SYNE2: variants seen among roughly 807,000 people sequenced by gnomAD.
SYNE2 encodes the protein spectrin repeat containing nuclear envelope protein 2, also known as nesprin-2.
Under a neutral mutation model 856.3 loss-of-function variants are expected in SYNE2, and 431 were observed. That is an observed-to-expected ratio of 0.50 (90% CI 0.47 to 0.55). The LOEUF (loss-of-function observed/expected upper bound fraction) is 0.55. Ranked by LOEUF, SYNE2 falls within the 20% of genes least tolerant of loss-of-function variation. SYNE2 has a pLI of 0.00. For missense variants in SYNE2, 8,129 were observed against 8,023.2 expected (o/e 1.01, Z -0.50); for synonymous variants, 2,923 against 2,872.3 (o/e 1.02, Z -0.56).
At chr14:64,152,496 G>A in intron 84 of SYNE2, 68 bp from the exon 85 acceptor site, 1 of 1,532,622 alleles carries the variant, frequency 6.5e-7, no homozygotes, top group Non-Finnish European at 9.0e-7. Flanking sequence ...GTGAACTCCT[G>A]TCTCTGACAC....
Position 64,225,121 on chromosome 14 carries a change from T to C in SYNE2, c.20516+76T>C, listed in dbSNP as rs569091231. Reference sequence around the variant, plus strand: ...ACTGACTCAGTCTTGCCAATGCCACTATCAAGGTCCTTGCAAAAATCTGGT... The same window carrying C: ...ACTGACTCAGTCTTGCCAATGCCACCATCAAGGTCCTTGCAAAAATCTGGT... On this transcript the variant is annotated intron_variant, in intron 115 of 115. Coordinates refer to ENST00000555002, the MANE Select transcript of SYNE2 (RefSeq NM_182914.3). 2.2e-5 allele frequency: 34 copies of C among 1,579,492 alleles called. No homozygotes were observed. In the African/African-American group the frequency reaches 4.0e-4, roughly 19 times the overall value.
intron 8 of SYNE2, among the ~76,000 whole-genome samples, chr14:63,959,528 C>T (rs2096283265): frequency 1.3e-5 from 2 of 151,938 alleles, no homozygotes; most frequent in South Asian, 4.2e-4. Context: ...GAACTCCTGA[C>T]CTCAGGTGAT....
intron 94 of SYNE2, among the ~76,000 whole-genome samples, chr14:64,174,551 T>C (rs1026347897): frequency 9.9e-5 from 15 of 152,222 alleles, no homozygotes; most frequent in African/African-American, 3.4e-4. Flanking sequence ...TCCTTTTACA[T>C]TTGTTTAGCG....
At chr14:64,198,266 C>T (rs2098548280) in intron 99 of SYNE2, among the ~76,000 whole-genome samples, 1 of 152,216 alleles carries the variant, frequency 6.6e-6, no homozygotes, top group Admixed American at 6.5e-5. Flanking sequence ...TGTGTGCCAG[C>T]AGTCTGGTTT....
At chr14:64,169,030 G>A (rs1238667678) in intron 93 of SYNE2, 59 bp downstream of exon 93, 1 of 1,355,296 alleles carries the variant, frequency 7.4e-7, no homozygotes, top group Non-Finnish European at 1.1e-6. Flanking sequence ...CATTCAGTCA[G>A]GGCAGGCTTT....
intron 45 of SYNE2, among the ~76,000 whole-genome samples, chr14:64,040,796 G>T (rs898233532): frequency 4.6e-5 from 7 of 151,234 alleles, no homozygotes; most frequent in Non-Finnish European, 1.0e-4. Context: ...AGAATAGAGA[G>T]ATTGGAGGAA....
intron 2 of SYNE2, among the ~76,000 whole-genome samples, chr14:63,921,232 G>A (rs1219185732): frequency 6.6e-6 from 1 of 152,114 alleles, no homozygotes; most frequent in East Asian, 1.9e-4. Flanking sequence ...AAGGGAGTTG[G>A]TTAGACATGA....
chr14:63,896,428 T>C (rs2095253698), intron 1 of SYNE2, among the ~76,000 whole-genome samples: 2 of 152,222 alleles, frequency 1.3e-5, no homozygotes, highest in Admixed American at 6.5e-5. Context: ...CCCTGGCAGC[T>C]GGACAGGATC....
intron 1 of SYNE2, among the ~76,000 whole-genome samples, chr14:63,764,926 C>T (rs1409757788): frequency 5.9e-5 from 9 of 152,048 alleles, no homozygotes; most frequent in Non-Finnish European, 1.3e-4. Flanking sequence ...CCGGAGTGGG[C>T]AACAGAGTAA....
chr14:64,208,687 A>G lies in SYNE2; in HGVS notation c.18202-71A>G, dbSNP rs992036828. The G allele has an allele frequency of 5.9e-6, 9 of 1,521,424 alleles. No homozygotes were observed. In the African/African-American group the frequency reaches 1.2e-4, roughly 21 times the overall value. The allele number at this position is 1,521,424 out of a possible 1,614,324, so 94.2% of individuals were successfully genotyped here. Reference sequence around the variant, plus strand: ...GCTGGGAGAAGGGAGGGAGGAACGGAGGTCCTTTGATGCTGACCCTCCTGC... The same window carrying G: ...GCTGGGAGAAGGGAGGGAGGAACGGGGGTCCTTTGATGCTGACCCTCCTGC... On this transcript the variant is annotated intron_variant, in intron 100 of 115. Coordinates refer to ENST00000555002, the MANE Select transcript of SYNE2 (RefSeq NM_182914.3).
chr14:64,008,984 A>C (rs775409148), intron 31 of SYNE2, among the ~76,000 whole-genome samples: 1 of 152,118 alleles, frequency 6.6e-6, no homozygotes, highest in African/African-American at 2.4e-5. Context: ...TCAGAATTCC[A>C]TTTGGGTACA....
chr14:63,905,562 C>G (rs896023922), intron 1 of SYNE2, among the ~76,000 whole-genome samples: 1 of 152,088 alleles, frequency 6.6e-6, no homozygotes, highest in African/African-American at 2.4e-5. Flanking sequence ...ATCTTTGTGG[C>G]TATTGTAAAC....
At chr14:64,016,436 C>G in intron 32 of SYNE2, 37 bp from the exon 33 acceptor site, 1 of 1,418,090 alleles carries the variant, frequency 7.1e-7, no homozygotes, top group Non-Finnish European at 9.7e-7. Flanking sequence ...TTGTCTATAT[C>G]AAAATATCAG....
intron 104 of SYNE2, among the ~76,000 whole-genome samples, chr14:64,212,445 ATAT>A (rs1442069756): frequency 6.6e-6 from 1 of 152,212 alleles, no homozygotes; most frequent in Non-Finnish European, 1.5e-5. Context: ...GCACCAGTGA[ATAT>A]TATTGTGTCA....
chr14:64,070,976 T>A, intron 52 of SYNE2, 66 bp downstream of exon 52: 1 of 1,554,818 alleles, frequency 6.4e-7, no homozygotes. Context: ...TTAGAAAATC[T>A]AAAAGTATAG....
intron 7 of SYNE2, among the ~76,000 whole-genome samples, chr14:63,950,606 A>G (rs2096137619): frequency 6.6e-6 from 1 of 152,180 alleles, no homozygotes; most frequent in Non-Finnish European, 1.5e-5. Context: ...ATATGAGTAT[A>G]TTAAGAGACC....
chr14:63,869,767 C>T (rs185427781), intron 1 of SYNE2, among the ~76,000 whole-genome samples: 21 of 152,120 alleles, frequency 1.4e-4, no homozygotes, highest in Middle Eastern at 3.4e-3. Flanking sequence ...TTCCAACTGC[C>T]GGATAGATCT....
At chr14:64,214,593 G>A in intron 106 of SYNE2, 123 bp downstream of exon 106, 1 of 967,760 alleles carries the variant, frequency 1.0e-6, no homozygotes, top group South Asian at 1.5e-5. Flanking sequence ...GACTTCTGTG[G>A]TTTCCTGTGC....
At chr14:64,089,131 C>T (rs536308793) in intron 58 of SYNE2, among the ~76,000 whole-genome samples, 4 of 151,908 alleles carry the variant, frequency 2.6e-5, no homozygotes, top group South Asian at 2.1e-4. Context: ...TTTGGGAGGC[C>T]GAGGCGGGTG....
Sources: allele counts gnomAD v4.1 joint callset (sites outside exome capture counted in the v4.1 genomes callset), GRCh38; gene constraint gnomAD v4.1.1; transcripts MANE v1.5; gene names NCBI Gene and HGNC (gene_info 2026-07-23, HGNC 2026-07-21).